The following ROBO2 variants were observed in gnomAD, a reference collection of about 807,000 sequenced individuals.
ROBO2 encodes roundabout homolog 2.
In ROBO2, 53 loss-of-function variants were observed where a neutral mutation model predicts 160.8. That is an observed-to-expected ratio of 0.33 (90% CI 0.26 to 0.41). ROBO2 has a LOEUF of 0.41. Among genes scored for constraint, ROBO2 ranks in the 10% least tolerant of loss-of-function variants. The pLI is 1.00. For synonymous variants in ROBO2, 664 were observed against 611.7 expected, an observed-to-expected ratio of 1.09 and a Z score of -1.26; for missense variants, 1,577 against 1,722.4, an observed-to-expected ratio of 0.92 and a Z score of 1.49.
intron 9 of ROBO2, among the ~76,000 whole-genome samples, chr3:77,562,391 G>C (rs1322065522): frequency 6.6e-6 from 1 of 151,946 alleles, no homozygotes; most frequent in East Asian, 1.9e-4. Flanking sequence ...GAAAAAGAGA[G>C]GGGCAAATTG....
intron 2 of ROBO2, among the ~76,000 whole-genome samples, chr3:76,993,414 C>A (rs1299182321): frequency 2.6e-5 from 4 of 152,104 alleles, no homozygotes; most frequent in Non-Finnish European, 5.9e-5. Flanking sequence ...CAAAATAAAT[C>A]TTTGTTTGTT....
intron 2 of ROBO2, among the ~76,000 whole-genome samples, chr3:77,214,544 C>T (rs1197075278): frequency 6.6e-6 from 1 of 152,188 alleles, no homozygotes; most frequent in Admixed American, 6.5e-5. Context: ...ATTTGCCAGT[C>T]TGTGCCTTTT....
intron 13 of ROBO2, among the ~76,000 whole-genome samples, chr3:77,569,459 T>C (rs1354654816): frequency 6.6e-6 from 1 of 151,580 alleles, no homozygotes; most frequent in South Asian, 2.1e-4. Flanking sequence ...TAATTGAACT[T>C]TTTTTTTAGA....
intron 3 of ROBO2, among the ~76,000 whole-genome samples, chr3:77,479,827 T>C (rs1339825391): frequency 6.6e-6 from 1 of 152,166 alleles, no homozygotes; most frequent in East Asian, 1.9e-4. Flanking sequence ...CTGGGTATCT[T>C]CGTTCCCCTC....
chr3:77,240,737 A>C (rs1024763766), intron 2 of ROBO2, among the ~76,000 whole-genome samples: 4 of 152,248 alleles, frequency 2.6e-5, no homozygotes, highest in African/African-American at 9.6e-5. Flanking sequence ...GATTAAATTT[A>C]TACTTCTTTA....
chr3:76,512,913 C>T (rs902020930), intron 2 of ROBO2, among the ~76,000 whole-genome samples: 3 of 152,050 alleles, frequency 2.0e-5, no homozygotes, highest in South Asian at 2.1e-4. Flanking sequence ...CCTCATTTCG[C>T]GGGCTGGGAT....
At chr3:76,406,048 T>C (rs1269540979) in intron 2 of ROBO2, among the ~76,000 whole-genome samples, 1 of 151,754 alleles carries the variant, frequency 6.6e-6, no homozygotes, top group Admixed American at 6.6e-5. Context: ...ATTTTTAACA[T>C]AAAAATTACA....
intron 2 of ROBO2, among the ~76,000 whole-genome samples, chr3:77,343,062 G>C (rs1326201272): frequency 2.8e-5 from 2 of 71,854 alleles, no homozygotes; most frequent in African/African-American, 8.9e-5. Flanking sequence ...TAGATGGAGA[G>C]AGAGAGAGAG....
intron 2 of ROBO2, among the ~76,000 whole-genome samples, chr3:76,928,487 A>G (rs556050109): frequency 1.3e-5 from 2 of 151,718 alleles, no homozygotes; most frequent in Non-Finnish European, 1.5e-5. Flanking sequence ...TAAAACTAGA[A>G]CACTCAAATA....
At position 77,160,738 on chromosome 3, in the gene ROBO2, A is replaced by G. The variant is rs557911698; in HGVS notation, c.388+62398A>G. 4.6e-5 allele frequency among the ~76,000 whole-genome samples: 7 copies of G among 152,272 alleles called. No homozygotes were observed. The East Asian group carries it at 1.4e-3, about 29-fold the overall frequency. On this transcript the variant is annotated intron_variant, in intron 2 of 25. Coordinates refer to ENST00000461745, the Ensembl canonical transcript of ROBO2. ...TTTGAACTACAGTTTTAGTACCGCT[A>G]CTTTAAGATAGATTCTGAGCATGTA...
chr3:77,082,478 G>T (rs188575476), intron 1 of ROBO2, among the ~76,000 whole-genome samples: 3 of 152,090 alleles, frequency 2.0e-5, no homozygotes, highest in Admixed American at 6.6e-5. Flanking sequence ...GCCCCTGTGA[G>T]GATAACTAAA....
chr3:75,997,370 A>C (rs1417522377), intron 2 of ROBO2, among the ~76,000 whole-genome samples: 1 of 152,198 alleles, frequency 6.6e-6, no homozygotes, highest in Non-Finnish European at 1.5e-5. Flanking sequence ...GGAAGCTCTT[A>C]AAAATGTAAT....
intron 2 of ROBO2, among the ~76,000 whole-genome samples, chr3:76,386,676 G>T (rs1168978247): frequency 6.6e-6 from 1 of 151,912 alleles, no homozygotes; most frequent in Non-Finnish European, 1.5e-5. Context: ...CAAAATGCTG[G>T]GCTACGGTAT....
At chr3:77,537,633 G>T (rs1365933321) in intron 6 of ROBO2, among the ~76,000 whole-genome samples, 1 of 152,108 alleles carries the variant, frequency 6.6e-6, no homozygotes, top group Admixed American at 6.5e-5. Context: ...TGAAAGAAAA[G>T]GTATTATTGT....
intron 2 of ROBO2, among the ~76,000 whole-genome samples, chr3:76,602,869 C>A (rs897719433): frequency 6.6e-6 from 1 of 152,184 alleles, no homozygotes; most frequent in African/African-American, 2.4e-5. Context: ...AGTCTCATTG[C>A]ATAATCTCTA....
intron 2 of ROBO2, among the ~76,000 whole-genome samples, chr3:76,251,910 A>T (rs6809170): frequency 6.6e-6 from 1 of 152,004 alleles, no homozygotes; most frequent in African/African-American, 2.4e-5. Flanking sequence ...TGAAATGGCT[A>T]TGAACATCAC....
intron 2 of ROBO2, among the ~76,000 whole-genome samples, chr3:77,445,344 T>A (rs1287546814): frequency 6.6e-6 from 1 of 152,182 alleles, no homozygotes; most frequent in Non-Finnish European, 1.5e-5. Flanking sequence ...AATTGTCACT[T>A]ACCTCAAAAT....
At chr3:76,156,642 G>A (rs1408627741) in intron 2 of ROBO2, among the ~76,000 whole-genome samples, 2 of 152,162 alleles carry the variant, frequency 1.3e-5, no homozygotes, top group African/African-American at 4.8e-5. Flanking sequence ...CTTAACAAGT[G>A]ATACCCCACA....
intron 4 of ROBO2, 134 bp downstream of exon 4, chr3:77,481,353 T>A (rs934881619): frequency 2.9e-5 from 18 of 613,050 alleles, no homozygotes; most frequent in Non-Finnish European, 3.9e-5. Context: ...CAAATTAGAA[T>A]TATCTTGTTT....
Sources: gnomAD v4.1 joint callset for allele counts (sites outside exome capture counted in the v4.1 genomes callset) on GRCh38, gnomAD v4.1.1 for gene constraint, MANE v1.5 for transcripts, NCBI Gene and HGNC (gene_info 2026-07-23, HGNC 2026-07-21) for gene names.